Variants in KCNIP4 observed in about 807,000 individuals in gnomAD.
The protein encoded by KCNIP4 is potassium voltage-gated channel interacting protein 4.
In KCNIP4, 12 loss-of-function variants were observed where a neutral mutation model predicts 34.0. That is an observed-to-expected ratio of 0.35 (90% CI 0.23 to 0.57). KCNIP4 has a LOEUF of 0.57. KCNIP4 is among the 20% of genes least tolerant of loss of function. KCNIP4 has a pLI of 0.83. For synonymous variants in KCNIP4, 124 were observed against 102.2 expected, an observed-to-expected ratio of 1.21 and a Z score of -1.29; for missense variants, 238 against 311.7, an observed-to-expected ratio of 0.76 and a Z score of 1.78.
At chr4:21,409,414 T>A (rs1160252913) in intron 1 of KCNIP4, among the ~76,000 whole-genome samples, 2 of 152,166 alleles carry the variant, frequency 1.3e-5, no homozygotes, top group Admixed American at 6.6e-5. Flanking sequence ...TTATTTTGAA[T>A]ACTATGTTTG....
intron 1 of KCNIP4, among the ~76,000 whole-genome samples, chr4:21,462,396 C>T (rs1206687543): frequency 6.6e-6 from 1 of 152,022 alleles, no homozygotes; most frequent in African/African-American, 2.4e-5. Flanking sequence ...AGGAAAACTC[C>T]CTCTTATAAT....
chr4:20,870,201 G>A (rs1192722467), intron 2 of KCNIP4, among the ~76,000 whole-genome samples: 1 of 152,062 alleles, frequency 6.6e-6, no homozygotes, highest in Non-Finnish European at 1.5e-5. Flanking sequence ...TGTTGGGGGA[G>A]GCACCTGGTG....
At chr4:21,291,353 C>T (rs1763446331) in intron 1 of KCNIP4, among the ~76,000 whole-genome samples, 1 of 128,780 alleles carries the variant, frequency 7.8e-6, no homozygotes, top group African/African-American at 2.6e-5. Context: ...TATGTTTATA[C>T]AAACATTTGT....
At chr4:21,215,564 G>A (rs1030066479) in intron 1 of KCNIP4, among the ~76,000 whole-genome samples, 2 of 152,088 alleles carry the variant, frequency 1.3e-5, no homozygotes, top group Admixed American at 1.3e-4. Flanking sequence ...CTGGAACTCT[G>A]TGCATGCTGG....
At chr4:21,866,756 G>A (rs1347801433) in intron 1 of KCNIP4, among the ~76,000 whole-genome samples, 1 of 140,104 alleles carries the variant, frequency 7.1e-6, no homozygotes, top group Non-Finnish European at 1.5e-5. Flanking sequence ...CCATAGTTCA[G>A]CCTGGATTTT....
intron 1 of KCNIP4, among the ~76,000 whole-genome samples, chr4:21,779,104 A>C (rs1230508745): frequency 6.6e-6 from 1 of 152,006 alleles, no homozygotes; most frequent in Non-Finnish European, 1.5e-5. Context: ...ATCTACCATA[A>C]GGGATTCCAC....
intron 1 of KCNIP4, among the ~76,000 whole-genome samples, chr4:21,647,426 G>A (rs73254394): frequency 0.095 from 14,449 of 152,052 alleles, 846 homozygotes; most frequent in Non-Finnish European, 0.14. Flanking sequence ...AGACTGATTG[G>A]AAGGCAGGGG....
At chr4:21,310,421 C>A in intron 1 of KCNIP4, among the ~76,000 whole-genome samples, 1 of 152,076 alleles carries the variant, frequency 6.6e-6, no homozygotes. Context: ...AAGTTTCTTC[C>A]CCTCATTTTT....
At chr4:21,446,409 T>A (rs1443141514) in intron 1 of KCNIP4, among the ~76,000 whole-genome samples, 1 of 151,642 alleles carries the variant, frequency 6.6e-6, no homozygotes, top group Non-Finnish European at 1.5e-5. Flanking sequence ...ATTAAGAAAA[T>A]GTGGCACATA....
chr4:20,803,074 CAAAA>C (rs4054902), intron 3 of KCNIP4, among the ~76,000 whole-genome samples: 13,383 of 78,498 alleles, frequency 0.17, 581 homozygotes, highest in East Asian at 0.28. Context: ...GACTCTGCCT[CAAAA>C]AAAAAAAAAA....
chr4:21,901,466 C>T (rs1163662131), intron 1 of KCNIP4, among the ~76,000 whole-genome samples: 1 of 152,086 alleles, frequency 6.6e-6, no homozygotes, highest in Non-Finnish European at 1.5e-5. Flanking sequence ...ATTTATTAAA[C>T]AATATCTATT....
intron 1 of KCNIP4, among the ~76,000 whole-genome samples, chr4:21,389,330 T>A (rs1722322926): frequency 6.6e-6 from 1 of 152,094 alleles, no homozygotes; most frequent in South Asian, 2.1e-4. Flanking sequence ...TACTTTAAGT[T>A]CTAGGGTACA....
Position 21,000,398 on chromosome 4 carries a change from A to G in KCNIP4, c.62-117689T>C, listed in dbSNP as rs554179377. Among the ~76,000 whole-genome samples the G allele has an allele frequency of 5.0e-5, 7 of 138,836 alleles. 1 individual carries two copies. In the South Asian group the frequency reaches 1.5e-3, roughly 30 times the overall value. The allele number at this position is 138,836 out of a possible 152,430, so 91.1% of individuals were successfully genotyped here. Reference sequence around the variant, plus strand: ...TTCCAATAGATCTTACTAAAAAAAGAAAAAAAAAAGACACGGTGGCTCACG... The same window carrying G: ...TTCCAATAGATCTTACTAAAAAAAGGAAAAAAAAAGACACGGTGGCTCACG... On this transcript the variant is annotated intron_variant, in intron 1 of 8. Coordinates refer to ENST00000382152, the MANE Select transcript of KCNIP4 (RefSeq NM_025221.6).
At chr4:21,902,866 C>T (rs947961964) in intron 1 of KCNIP4, among the ~76,000 whole-genome samples, 3 of 152,032 alleles carry the variant, frequency 2.0e-5, no homozygotes, top group Non-Finnish European at 2.9e-5. Flanking sequence ...AGGAAGCCAC[C>T]GTATTTTCTC....
chr4:21,511,980 A>G (rs1734352020), intron 1 of KCNIP4, among the ~76,000 whole-genome samples: 1 of 151,968 alleles, frequency 6.6e-6, no homozygotes, highest in Admixed American at 6.6e-5. Context: ...AAAGAGAAAG[A>G]AAAAAAGGAA....
intron 1 of KCNIP4, among the ~76,000 whole-genome samples, chr4:21,931,011 A>G (rs989335074): frequency 6.6e-6 from 1 of 152,120 alleles, no homozygotes; most frequent in African/African-American, 2.4e-5. Flanking sequence ...ATGGAGTCTC[A>G]ATTGCTGAGA....
At chr4:21,214,695 T>G (rs565140725) in intron 1 of KCNIP4, among the ~76,000 whole-genome samples, 1 of 152,272 alleles carries the variant, frequency 6.6e-6, no homozygotes, top group Non-Finnish European at 1.5e-5. Flanking sequence ...CCTCTTAATA[T>G]AGAGAGAGGT....
chr4:21,875,387 T>C (rs1343862640), intron 1 of KCNIP4, among the ~76,000 whole-genome samples: 1 of 152,180 alleles, frequency 6.6e-6, no homozygotes, highest in Non-Finnish European at 1.5e-5. Flanking sequence ...AACAAATAAA[T>C]AGATAGAAAT....
At chr4:21,046,073 G>T (rs79772731) in intron 1 of KCNIP4, among the ~76,000 whole-genome samples, 3,124 of 152,292 alleles carry the variant, frequency 0.021, 45 homozygotes, top group Non-Finnish European at 0.034. Flanking sequence ...CATTTATTGG[G>T]ATTACCTGTG....
Sources: gnomAD v4.1 joint callset for allele counts (sites outside exome capture counted in the v4.1 genomes callset) on GRCh38, gnomAD v4.1.1 for gene constraint, MANE v1.5 for transcripts, NCBI Gene and HGNC (gene_info 2026-07-23, HGNC 2026-07-21) for gene names.